MAL2: variants seen among roughly 807,000 people sequenced by gnomAD.
MAL2 encodes protein MAL2.
Under a neutral mutation model 18.1 loss-of-function variants are expected in MAL2, and 17 were observed. The observed-to-expected ratio is 0.94, with a 90% CI of 0.64 to 1.41. The LOEUF (loss-of-function observed/expected upper bound fraction) is 1.41. MAL2 is among the 40% of genes most tolerant of loss of function. MAL2 has a pLI of 0.00. For missense variants in MAL2, 222 were observed against 231.9 expected (o/e 0.96, Z 0.28); for synonymous variants, 102 against 102.3 (o/e 1.00, Z 0.02).
chr8:119,235,717 A>C, intron 2 of MAL2, among the ~76,000 whole-genome samples: 1 of 150,496 alleles, frequency 6.6e-6, no homozygotes, highest in African/African-American at 2.5e-5. Context: ...AAGGAGAAAT[A>C]AAATACTTTA....
intron 2 of MAL2, among the ~76,000 whole-genome samples, chr8:119,229,497 G>A (rs149005038): frequency 6.6e-6 from 1 of 152,056 alleles, no homozygotes; most frequent in Non-Finnish European, 1.5e-5. Context: ...ATTTTTAGTA[G>A]AGATGGGCTT....
chr8:119,234,113 G>C (rs540617527), intron 2 of MAL2, among the ~76,000 whole-genome samples: 1 of 152,166 alleles, frequency 6.6e-6, no homozygotes, highest in Non-Finnish European at 1.5e-5. Flanking sequence ...CACCGTGCGC[G>C]AGCCGAAGCA....
intron 2 of MAL2, chr8:119,224,395 ACTAAGGAAAGATAC>A (rs965428573): frequency 6.6e-6 from 1 of 152,136 alleles, no homozygotes; most frequent in African/African-American, 2.4e-5. Flanking sequence ...GGGGAAGGGT[ACTAAGGAAAGATAC>A]ATTTTAGAAA....
intron 1 of MAL2, among the ~76,000 whole-genome samples, chr8:119,218,488 T>G (rs547098406): frequency 6.6e-6 from 1 of 152,104 alleles, no homozygotes; most frequent in East Asian, 1.9e-4. Flanking sequence ...CCATTATATT[T>G]CTTCTCTCCT....
At chr8:119,239,111 G>T (rs1473114168) in intron 2 of MAL2, among the ~76,000 whole-genome samples, 1 of 152,070 alleles carries the variant, frequency 6.6e-6, no homozygotes, top group South Asian at 2.1e-4. Context: ...AAAAGTGGGT[G>T]AAGGATATGA....
At chr8:119,237,450 C>A (rs1482988667) in intron 2 of MAL2, among the ~76,000 whole-genome samples, 1 of 151,548 alleles carries the variant, frequency 6.6e-6, no homozygotes, top group Admixed American at 6.6e-5. Flanking sequence ...AGGCCAGCAT[C>A]ATTCTGATAC....
intron 1 of MAL2, among the ~76,000 whole-genome samples, chr8:119,217,658 C>T (rs995584420): frequency 3.3e-5 from 5 of 152,226 alleles, no homozygotes; most frequent in Non-Finnish European, 7.4e-5. Flanking sequence ...ATGAGAATAA[C>T]GTGGGCGAAA....
intron 3 of MAL2, among the ~76,000 whole-genome samples, chr8:119,242,715 G>A (rs1317228138): frequency 1.3e-5 from 2 of 152,132 alleles, no homozygotes; most frequent in Admixed American, 1.3e-4. Context: ...GAATCCCTGT[G>A]CTAAACCCAC....
chr8:119,218,489 C>T (rs1817397172), intron 1 of MAL2, among the ~76,000 whole-genome samples: 1 of 151,980 alleles, frequency 6.6e-6, no homozygotes, highest in Non-Finnish European at 1.5e-5. Flanking sequence ...CATTATATTT[C>T]TTCTCTCCTC....
In MAL2 at chr8:119,228,051, G is replaced by C. The variant is rs144459303; in HGVS notation, c.303+6294G>C. The stretch of plus-strand genomic sequence containing the variant: ...GAGACTTCCAAGAAGACCTCAAGTA[G>C]ATCACCTGAGGTCTACATATAATTC... On this transcript the variant is annotated intron_variant, in intron 2 of 3. Coordinates refer to ENST00000614891, the MANE Select transcript of MAL2 (RefSeq NM_052886.3). 7.9e-4 allele frequency among the ~76,000 whole-genome samples: 120 copies of C among 152,198 alleles called. 1 individual carries two copies. Among genetic ancestry groups the C allele is most frequent in the African/African-American group, 2.6e-3 (107 of 41,530 alleles).
At chr8:119,233,043 A>G (rs1302835149) in intron 2 of MAL2, among the ~76,000 whole-genome samples, 1 of 152,190 alleles carries the variant, frequency 6.6e-6, no homozygotes, top group African/African-American at 2.4e-5. Flanking sequence ...GTGGTGCTGA[A>G]AAAATGTATA....
intron 2 of MAL2, among the ~76,000 whole-genome samples, chr8:119,227,059 C>T (rs1052980986): frequency 6.6e-6 from 1 of 152,076 alleles, no homozygotes; most frequent in Non-Finnish European, 1.5e-5. Flanking sequence ...AGTAGTTGGC[C>T]CTATACTAGG....
At chr8:119,234,915 A>G (rs1370945324) in intron 2 of MAL2, among the ~76,000 whole-genome samples, 1 of 152,138 alleles carries the variant, frequency 6.6e-6, no homozygotes, top group Non-Finnish European at 1.5e-5. Context: ...TCCTCCTCCA[A>G]AGGAACGCAG....
At chr8:119,237,751 A>G (rs1253628778) in intron 2 of MAL2, among the ~76,000 whole-genome samples, 2 of 151,800 alleles carry the variant, frequency 1.3e-5, no homozygotes, top group Non-Finnish European at 2.9e-5. Context: ...CTTCATGCTA[A>G]AAACTCTCAA....
At chr8:119,225,582 G>A (rs566600884) in intron 2 of MAL2, among the ~76,000 whole-genome samples, 19 of 152,242 alleles carry the variant, frequency 1.2e-4, no homozygotes, top group East Asian at 3.9e-4. Context: ...ATAAACATAC[G>A]TGTGCATGTG....
At chr8:119,242,545 C>G (rs546680090) in intron 3 of MAL2, among the ~76,000 whole-genome samples, 2 of 152,198 alleles carry the variant, frequency 1.3e-5, no homozygotes, top group South Asian at 4.1e-4. Context: ...AAATAGGTAT[C>G]AAAAGCTATT....
At chr8:119,228,219 C>G (rs1487274610) in intron 2 of MAL2, among the ~76,000 whole-genome samples, 1 of 152,214 alleles carries the variant, frequency 6.6e-6, no homozygotes, top group East Asian at 1.9e-4. Context: ...CTTTTTGTCC[C>G]TGGACAAAAG....
At chr8:119,227,767 G>A (rs1351088075) in intron 2 of MAL2, among the ~76,000 whole-genome samples, 1 of 152,162 alleles carries the variant, frequency 6.6e-6, no homozygotes, top group Non-Finnish European at 1.5e-5. Context: ...CTTTCTTCCT[G>A]AAGAAAGACT....
intron 1 of MAL2, among the ~76,000 whole-genome samples, chr8:119,214,577 C>T (rs1322827395): frequency 6.6e-6 from 1 of 152,068 alleles, no homozygotes; most frequent in Non-Finnish European, 1.5e-5. Flanking sequence ...AGGGAATTTT[C>T]AAAATCGAGA....
Sources: gnomAD v4.1 joint callset for allele counts (sites outside exome capture counted in the v4.1 genomes callset) on GRCh38, gnomAD v4.1.1 for gene constraint, MANE v1.5 for transcripts, NCBI Gene and HGNC (gene_info 2026-07-23, HGNC 2026-07-21) for gene names.